URB2: variants seen among roughly 807,000 people sequenced by gnomAD.
The protein encoded by URB2 is unhealthy ribosome biogenesis protein 2 homolog.
In URB2, 86 loss-of-function variants were observed where a neutral mutation model predicts 120.9. The ratio of observed to expected loss-of-function variants is 0.71; its 90% CI spans 0.60 to 0.85. The LOEUF is 0.85. Ranked by LOEUF, URB2 falls within the 40% of genes least tolerant of loss-of-function variation. The pLI is 0.00. For synonymous variants in URB2, 755 were observed against 758.4 expected (o/e 1.00, Z 0.07); for missense variants, 1,765 against 1,836.5 (o/e 0.96, Z 0.71).
chr1:229,639,518 A>G (rs537901965), intron 4 of URB2, among the ~76,000 whole-genome samples: 1 of 152,044 alleles, frequency 6.6e-6, no homozygotes, highest in East Asian at 1.9e-4. Context: ...TGTATTTTTT[A>G]GTAAAGACAG....
intron 2 of URB2, among the ~76,000 whole-genome samples, chr1:229,628,197 A>G (rs1304449968): frequency 1.9e-3 from 271 of 142,564 alleles, no homozygotes; most frequent in African/African-American, 6.9e-3. Context: ...TATAATATAT[A>G]TGTATATATA....
chr1:229,644,526 G>A (rs970557052), intron 5 of URB2, among the ~76,000 whole-genome samples: 2 of 152,208 alleles, frequency 1.3e-5, no homozygotes, highest in Admixed American at 6.5e-5. Flanking sequence ...GGCGTGCACC[G>A]TGCAGGCAGC....
chr1:229,636,073 A>C lies in URB2; in HGVS notation c.1460A>C (p.Gln487Pro). 1 of 1,614,262 alleles carries C rather than the reference A, an allele frequency of 6.2e-7. No individual in the cohort carries two copies. Among genetic ancestry groups the C allele is most frequent in the Non-Finnish European group, 8.5e-7 (1 of 1,180,048 alleles). The change falls in exon 4 of 10, where the codon CAG becomes CCG. Residue 487 changes from glutamine (Q) to proline (P), a missense_variant. Physicochemically the swap from Gln to Pro is moderately conservative, Grantham distance 76. Transcript: ENST00000258243. ...CGTCCAGCTGCTGAGGCACTGAGGC[A>C]GCCTGTGCTGGCCTCGGGCCCCTCC... Reference protein sequence around the residue: ...ICRPAAEALRQPVLASGPSTV... With the variant: ...ICRPAAEALRPPVLASGPSTV...
intron 8 of URB2, among the ~76,000 whole-genome samples, chr1:229,652,888 C>T (rs981461169): frequency 2.0e-5 from 3 of 152,260 alleles, no homozygotes; most frequent in African/African-American, 7.2e-5. Context: ...GTGCTGTGTT[C>T]ATGTGAAGGT....
chr1:229,630,574 G>A (rs1665632381), intron 2 of URB2, among the ~76,000 whole-genome samples: 2 of 152,144 alleles, frequency 1.3e-5, no homozygotes, highest in Non-Finnish European at 2.9e-5. Flanking sequence ...CTGTGATTTT[G>A]GGGATGGTAA....
At chr1:229,628,175 GTATATAATA>G (rs974457245) in intron 2 of URB2, among the ~76,000 whole-genome samples, 7 of 84,788 alleles carry the variant, frequency 8.3e-5, no homozygotes, top group Admixed American at 2.2e-4. Flanking sequence ...TAGTATATAT[GTATATAATA>G]TATATAATAT....
chr1:229,629,505 T>C (rs1302483238), intron 2 of URB2, among the ~76,000 whole-genome samples: 1 of 152,210 alleles, frequency 6.6e-6, no homozygotes, highest in African/African-American at 2.4e-5. Flanking sequence ...CTAGTGCATA[T>C]AAAATTTATG....
At chr1:229,633,630 T>C (rs1242241628) in intron 3 of URB2, among the ~76,000 whole-genome samples, 5 of 152,180 alleles carry the variant, frequency 3.3e-5, no homozygotes, top group Non-Finnish European at 5.9e-5. Flanking sequence ...AATACCTATC[T>C]CATTAGGGCA....
In URB2 at chr1:229,636,012, C is replaced by A. The variant is rs1267581977; in HGVS notation, c.1399C>A (p.Pro467Thr). ...GACTTATGCCAAACTCCGACAAGTG[C>A]CACGGTTGTTTGAAGAGGTTTTGGG... ...FQTYAKLRQV[P>T]RLFEEVLGVI... Residue 467 changes from proline to threonine, a missense_variant, in exon 4 of 10, where the codon CCA becomes ACA. Pro to Thr is a conservative substitution (Grantham distance 38). Transcript: ENST00000258243. The A allele has an allele frequency of 1.2e-6, 2 of 1,613,796 alleles. No individual in the cohort carries two copies. The highest frequency in any genetic ancestry group is 4.5e-5 in the East Asian group (2 of 44,866).
chr1:229,643,542 T>G lies in URB2; in HGVS notation c.3644T>G (p.Ile1215Ser). Residue 1215 changes from isoleucine (I) to serine (S), a missense_variant, in exon 5 of 10, where the codon ATT becomes AGT. By Grantham distance (142) the Ile-to-Ser change is moderately radical (BLOSUM62 -2). Transcript: ENST00000258243. ...TTTCTTTCCCACACAGATCCTGAAA[T>G]TCCTGTTCAGGTCACTCAGGATATT... ...SVRRVLADPEIPVQVTQDIEP... is the reference protein window; with the variant it reads ...SVRRVLADPESPVQVTQDIEP... 1 of 1,614,176 alleles carries G rather than the reference T, an allele frequency of 6.2e-7. No individual in the cohort carries two copies. Among genetic ancestry groups the G allele is most frequent in the Non-Finnish European group, 8.5e-7 (1 of 1,180,040 alleles).
intron 7 of URB2, 143 bp from the exon 8 acceptor site, chr1:229,651,092 A>T (rs1666259586): frequency 3.4e-6 from 2 of 584,860 alleles, no homozygotes; most frequent in African/African-American, 1.9e-5. Flanking sequence ...AGGCGAAAGG[A>T]TGTGGCTATC....
At chr1:229,638,665 A>G (rs1237024041) in intron 4 of URB2, among the ~76,000 whole-genome samples, 3 of 151,416 alleles carry the variant, frequency 2.0e-5, no homozygotes, top group African/African-American at 7.3e-5. Flanking sequence ...AAAAAGTACT[A>G]CATGTGGACA....
rs1201291091 is a variant in URB2, at chr1:229,626,289, T to TGCC, written c.-76_-74dup. On this transcript the variant is annotated 5_prime_UTR_variant, in exon 1 of 10. Coordinates refer to ENST00000258243, the MANE Select transcript of URB2 (RefSeq NM_014777.4). ...GCACCGGGACAGCAGCCGCCGCCGC[T>TGCC]GCCGCCGTCCTCCCCTGTCTACCCG... is the stretch of plus-strand genomic sequence containing the variant. 2 of 153,840 alleles carry TGCC rather than the reference T, an allele frequency of 1.3e-5. No homozygotes were observed. The highest frequency in any genetic ancestry group is 3.8e-4 in the East Asian group (2 of 5,228). The allele number at this position is 153,840 out of a possible 1,614,324, so 9.5% of individuals were successfully genotyped here.
At chr1:229,651,961 T>C (rs1196611677) in intron 8 of URB2, among the ~76,000 whole-genome samples, 3 of 152,138 alleles carry the variant, frequency 2.0e-5, no homozygotes, top group Admixed American at 6.6e-5. Flanking sequence ...GTGGGTGGAT[T>C]ACCTGAGGTC....
chr1:229,634,890 G>T, intron 3 of URB2, 27 bp from the exon 4 acceptor site: 2 of 1,504,422 alleles, frequency 1.3e-6, no homozygotes, highest in South Asian at 1.4e-5. Context: ...GGTCAGTAAT[G>T]AATTTTCTTT....
In URB2 at chr1:229,636,212, C is replaced by T. The variant is rs771209113; in HGVS notation, c.1599C>T (p.Ala533=). Residue 533 remains alanine (A), a synonymous_variant, in exon 4 of 10, where the codon GCC becomes GCT. Coordinates refer to ENST00000258243, the MANE Select transcript of URB2 (RefSeq NM_014777.4). ...TCTTGCCCTATTTGCAGAGTGATGC[C>T]GACATGGCCCTGAAATCACTGTCAC... ...SLVLPYLQSD[A]DMALKSLSLS... is the part of the protein sequence containing the mutation. The T allele has an allele frequency of 3.8e-5, 62 of 1,612,866 alleles. No homozygotes were observed. The highest frequency in any genetic ancestry group is 2.1e-4 in the South Asian group (19 of 91,010).
intron 8 of URB2, among the ~76,000 whole-genome samples, chr1:229,653,426 CTT>C (rs748724387): frequency 3.9e-5 from 6 of 152,306 alleles, no homozygotes; most frequent in African/African-American, 9.6e-5. Flanking sequence ...AAAGATTCCT[CTT>C]GTTTCTTTGC....
chr1:229,631,551 C>T (rs891454371), intron 2 of URB2, among the ~76,000 whole-genome samples: 3 of 152,158 alleles, frequency 2.0e-5, no homozygotes, highest in Admixed American at 1.3e-4. Flanking sequence ...CACTTGAACA[C>T]CTGGAGGCCA....
intron 5 of URB2, among the ~76,000 whole-genome samples, chr1:229,644,664 G>T (rs1249072786): frequency 1.3e-5 from 2 of 152,162 alleles, no homozygotes; most frequent in African/African-American, 4.8e-5. Context: ...GTGGAGATGG[G>T]GCTTTGGGGT....
Sources: gnomAD v4.1 joint callset for allele counts (sites outside exome capture counted in the v4.1 genomes callset) on GRCh38, gnomAD v4.1.1 for gene constraint, MANE v1.5 for transcripts, NCBI Gene and HGNC (gene_info 2026-07-23, HGNC 2026-07-21) for gene names.